The following CCND3 variants were observed in gnomAD, a reference collection of about 807,000 sequenced individuals.
CCND3 encodes the protein G1/S-specific cyclin-D3.
CCND3 carries 9 observed loss-of-function variants against 28.7 expected under a neutral mutation model. The ratio of observed to expected loss-of-function variants is 0.31; its 90% CI spans 0.19 to 0.55. CCND3 has a LOEUF of 0.55. Ranked by LOEUF, CCND3 falls within the 20% of genes least tolerant of loss-of-function variation. The pLI is 0.93. For synonymous variants in CCND3, 164 were observed against 163.9 expected (o/e 1.00, Z 0.00); for missense variants, 315 against 385.8 (o/e 0.82, Z 1.54).
intron 1 of CCND3, among the ~76,000 whole-genome samples, chr6:42,026,864 ACACG>A (rs1763890221): frequency 6.6e-6 from 1 of 152,122 alleles, no homozygotes; most frequent in African/African-American, 2.4e-5. Context: ...GCCATCTCCC[ACACG>A]CAAGGGCACA....
In CCND3 at chr6:41,961,504, T is replaced by C. The variant is rs190813266; in HGVS notation, c.-45-20919A>G. Among the ~76,000 whole-genome samples the C allele has an allele frequency of 7.2e-5, 11 of 152,080 alleles. No individual in the cohort carries two copies. The East Asian group carries it at 1.9e-3, about 27-fold the overall frequency. On this transcript the variant is annotated intron_variant, in intron 1 of 4. Transcript: ENST00000372988. ...ATCGCTTGAAGCCAGGAGGCAGAGG[T>C]TGCAGTGAGCCGAGATAGCGCCACT...
At chr6:41,980,005 C>G (rs1762294883) in intron 1 of CCND3, among the ~76,000 whole-genome samples, 1 of 140,928 alleles carries the variant, frequency 7.1e-6, no homozygotes, top group South Asian at 2.3e-4. Flanking sequence ...ATGCTGCTTT[C>G]AAAATCACAC....
chr6:41,937,381 A>G lies in CCND3; in HGVS notation c.428T>C (p.Leu143Pro). ...GTCCCACTTGAGCTTCCCTAGGACC[A>G]GCACCTCCCAGTCCTGAAAAAGCGG... ...SPRQLRDWEVLVLGKLKWDLA... is the reference protein window; with the variant it reads ...SPRQLRDWEVPVLGKLKWDLA... Residue 143 changes from leucine to proline, a missense_variant, in exon 3 of 5, where the codon CTG becomes CCG. Leu to Pro is a moderately conservative substitution (Grantham distance 98, BLOSUM62 -3). Coordinates refer to ENST00000372991, the MANE Select transcript of CCND3 (RefSeq NM_001760.5). 6.2e-7 allele frequency: 1 copy of G among 1,614,124 alleles called. No individual in the cohort carries two copies. Among genetic ancestry groups the G allele is most frequent in the South Asian group, 1.1e-5 (1 of 91,078 alleles).
At chr6:41,992,221 G>A (rs141032724) in intron 1 of CCND3, among the ~76,000 whole-genome samples, 2,913 of 152,026 alleles carry the variant, frequency 0.019, 107 homozygotes, top group African/African-American at 0.065. Flanking sequence ...GGAGTGCAGT[G>A]GCATGATCTC....
At chr6:41,969,307 A>C (rs1761971296) in intron 1 of CCND3, among the ~76,000 whole-genome samples, 2 of 151,826 alleles carry the variant, frequency 1.3e-5, no homozygotes, top group South Asian at 2.1e-4. Context: ...AGGTCAAGAG[A>C]TTGAGACCAT....
intron 1 of CCND3, among the ~76,000 whole-genome samples, chr6:42,026,908 G>C (rs1404680425): frequency 6.6e-6 from 1 of 152,188 alleles, no homozygotes; most frequent in Non-Finnish European, 1.5e-5. Flanking sequence ...ACACCACCAA[G>C]GGGTCAGATC....
intron 1 of CCND3, among the ~76,000 whole-genome samples, chr6:41,957,329 C>A (rs1302734618): frequency 1.3e-5 from 2 of 152,210 alleles, no homozygotes; most frequent in Non-Finnish European, 2.9e-5. Flanking sequence ...GCCTGGTTTT[C>A]AAAATTGCCT....
chr6:41,940,523 G>A lies in CCND3; in HGVS notation c.261C>T (p.Arg87=). 2 of 1,613,992 alleles carry A rather than the reference G, an allele frequency of 1.2e-6. No homozygotes were observed. The highest frequency in any genetic ancestry group is 2.2e-5 in the South Asian group (2 of 91,080). ...TTCGGGTGGGGACGCAAGACAGGTA[G>A]CGATCCAGGTAGTTCATGGCCAGGG... The part of the protein sequence containing the change: ...VFPLAMNYLD[R]YLSCVPTRKA... Residue 87 remains arginine (R), a synonymous_variant, in exon 2 of 5, where the codon CGC becomes CGT. Coordinates refer to ENST00000372991, the MANE Select transcript of CCND3 (RefSeq NM_001760.5).
At chr6:42,027,563 G>A (rs889366299) in intron 1 of CCND3, among the ~76,000 whole-genome samples, 3 of 151,910 alleles carry the variant, frequency 2.0e-5, no homozygotes, top group Non-Finnish European at 2.9e-5. Flanking sequence ...TCTCAATTGC[G>A]TATCTCCTTC....
At chr6:41,969,729 C>T (rs1452101355) in intron 1 of CCND3, among the ~76,000 whole-genome samples, 1 of 152,068 alleles carries the variant, frequency 6.6e-6, no homozygotes, top group Non-Finnish European at 1.5e-5. Context: ...AGTGAGACTC[C>T]ATCTCAAAAA....
In CCND3 at chr6:41,936,708, G is replaced by A. The variant is rs2127390579; in HGVS notation, c.575-13C>T. 6.2e-7 allele frequency: 1 copy of A among 1,611,366 alleles called. No individual in the cohort carries two copies. The highest frequency in any genetic ancestry group is 8.5e-7 in the Non-Finnish European group (1 of 1,178,280). Reference sequence around the variant, plus strand: ...GCAAAGGTATAATCTTGGAGAGGAGGAAAGGGAACCATGAGAGAAGGAAAC... The same window carrying A: ...GCAAAGGTATAATCTTGGAGAGGAGAAAAGGGAACCATGAGAGAAGGAAAC... On this transcript the variant is annotated splice_polypyrimidine_tract_variant and intron_variant, in intron 3 of 4. Coordinates refer to ENST00000372991, the MANE Select transcript of CCND3 (RefSeq NM_001760.5). The surrounding 1 kb of genome is among the most constrained non-coding windows in gnomAD (Gnocchi z 4.4).
intron 1 of CCND3, among the ~76,000 whole-genome samples, chr6:42,027,221 C>T (rs1457692146): frequency 5.3e-5 from 8 of 152,188 alleles, no homozygotes; most frequent in South Asian, 4.1e-4. Context: ...GGGCAGATCA[C>T]GAGGTCAGGG....
At chr6:41,962,722 C>T (rs1292084297) in intron 1 of CCND3, among the ~76,000 whole-genome samples, 1 of 151,966 alleles carries the variant, frequency 6.6e-6, no homozygotes, top group Non-Finnish European at 1.5e-5. Context: ...GCCCGCCAGC[C>T]TGCGTGACAA....
chr6:42,009,258 C>G (rs1763266612), intron 1 of CCND3, among the ~76,000 whole-genome samples: 1 of 152,136 alleles, frequency 6.6e-6, no homozygotes, highest in Non-Finnish European at 1.5e-5. Flanking sequence ...GTTGGATTGC[C>G]TGAGCCCAGG....
intron 1 of CCND3, among the ~76,000 whole-genome samples, chr6:41,991,680 A>G (rs1447642369): frequency 6.6e-6 from 1 of 152,132 alleles, no homozygotes; most frequent in Non-Finnish European, 1.5e-5. Context: ...GGCATAGAAC[A>G]CTGGAACTTA....
At chr6:42,031,737 A>G (rs1764049409) in intron 1 of CCND3, among the ~76,000 whole-genome samples, 1 of 151,890 alleles carries the variant, frequency 6.6e-6, no homozygotes, top group Non-Finnish European at 1.5e-5. Flanking sequence ...AAATATATGT[A>G]CAATTTTGCA....
chr6:41,974,478 C>T (rs1007020603), intron 1 of CCND3, among the ~76,000 whole-genome samples: 3 of 152,054 alleles, frequency 2.0e-5, no homozygotes, highest in African/African-American at 7.2e-5. Context: ...CTGGGGGTTG[C>T]TAGGGCTCAC....
chr6:42,001,529 C>T (rs1383677090), intron 1 of CCND3, among the ~76,000 whole-genome samples: 1 of 152,136 alleles, frequency 6.6e-6, no homozygotes, highest in Non-Finnish European at 1.5e-5. Flanking sequence ...AGGTTCTATA[C>T]ATGTATAGTC....
rs1314585711 is a variant in CCND3 at position 41,936,065 on chromosome 6, TGA to T, written c.752_753del (p.Leu251GlnfsTer72). On this transcript the variant is annotated frameshift_variant, in exon 5 of 5. Coordinates refer to ENST00000372991, the MANE Select transcript of CCND3 (RefSeq NM_001760.5). LOFTEE classifies it high-confidence loss of function. The surrounding 1 kb of genome is among the most constrained non-coding windows in gnomAD (Gnocchi z 4.4). ...TGAGAGGCTTCCCTGAGGCTCTCCC[TGA>T]GTGCAGCTTCGATCTGCTCCTGACA... Reference protein sequence around the residue: ...RACQEQIEAALRESLREASQT... With the variant: ...RACQEQIEAAXRESLREASQT... The T allele has an allele frequency of 6.2e-7, 1 of 1,611,682 alleles. No homozygotes were observed.
Sources: gnomAD v4.1 joint callset for allele counts (sites outside exome capture counted in the v4.1 genomes callset) on GRCh38, gnomAD v4.1.1 for gene constraint, Gnocchi (gnomAD v3.1) non-coding constraint, MANE v1.5 for transcripts, NCBI Gene and HGNC (gene_info 2026-07-23, HGNC 2026-07-21) for gene names.